PRKG1: variants seen among roughly 807,000 people sequenced by gnomAD.
PRKG1 encodes protein kinase cGMP-dependent 1.
PRKG1 carries 35 observed loss-of-function variants against 88.1 expected under a neutral mutation model. The observed-to-expected ratio is 0.40, with a 90% confidence interval of 0.30 to 0.53. PRKG1 has a LOEUF of 0.53. Ranked by LOEUF, PRKG1 falls within the 20% of genes least tolerant of loss-of-function variation. The pLI is 0.59. For synonymous variants in PRKG1, 303 were observed against 292.5 expected (o/e 1.04, Z -0.37); for missense variants, 540 against 839.8 (o/e 0.64, Z 4.41).
At chr10:51,721,212 TAAAAAA>T (rs55873432) in intron 3 of PRKG1, among the ~76,000 whole-genome samples, 1 of 122,040 alleles carries the variant, frequency 8.2e-6, no homozygotes, top group African/African-American at 3.1e-5. Flanking sequence ...CAAGACCTAT[TAAAAAA>T]AAAAAAAAAA....
chr10:51,208,282 G>A (rs776915903), intron 2 of PRKG1, among the ~76,000 whole-genome samples: 3 of 152,156 alleles, frequency 2.0e-5, no homozygotes, highest in Admixed American at 2.0e-4. Context: ...AGCACAAAAT[G>A]TGATACCGGT....
chr10:51,404,205 T>C (rs911698346), intron 2 of PRKG1, among the ~76,000 whole-genome samples: 11 of 152,218 alleles, frequency 7.2e-5, no homozygotes, highest in African/African-American at 2.4e-4. Context: ...GTTAGCGTCA[T>C]TGTGTCTAAA....
chr10:51,151,169 G>GA (rs1846063389), intron 1 of PRKG1, among the ~76,000 whole-genome samples: 3 of 150,302 alleles, frequency 2.0e-5, no homozygotes, highest in Non-Finnish European at 3.0e-5. Flanking sequence ...TTAGGAAAGA[G>GA]AAAACGTAAT....
At chr10:51,892,532 G>A (rs1010048201) in intron 4 of PRKG1, among the ~76,000 whole-genome samples, 1 of 152,184 alleles carries the variant, frequency 6.6e-6, no homozygotes, top group Non-Finnish European at 1.5e-5. Flanking sequence ...GCCTTTGGGA[G>A]ATGAGAGGTT....
At chr10:51,257,927 T>A (rs1839607235) in intron 2 of PRKG1, among the ~76,000 whole-genome samples, 1 of 152,106 alleles carries the variant, frequency 6.6e-6, no homozygotes, top group African/African-American at 2.4e-5. Flanking sequence ...GAGAGGAGTA[T>A]GGATGCTAGG....
At chr10:51,825,489 G>A (rs12569525) in intron 4 of PRKG1, among the ~76,000 whole-genome samples, 66,771 of 151,918 alleles carry the variant, frequency 0.44, 16,994 homozygotes, top group Non-Finnish European at 0.57. Flanking sequence ...CACAGACAGG[G>A]ACAAGAGCAC....
chr10:51,440,467 A>T (rs1380495486), intron 2 of PRKG1, among the ~76,000 whole-genome samples: 1 of 151,908 alleles, frequency 6.6e-6, no homozygotes, highest in African/African-American at 2.4e-5. Context: ...TTGTCTTGGG[A>T]ACTATTAAAA....
Position 51,947,065 on chromosome 10 carries a change from T to G in PRKG1, c.762+39495T>G, listed in dbSNP as rs375142876. Among the ~76,000 whole-genome samples, 12 of 152,040 alleles carry G rather than the reference T, an allele frequency of 7.9e-5. 1 individual carries two copies. Among genetic ancestry groups the G allele is most frequent in the African/African-American group, 1.4e-4 (6 of 41,394 alleles). On this transcript the variant is annotated intron_variant, in intron 5 of 17. Coordinates refer to ENST00000373980, the MANE Select transcript of PRKG1 (RefSeq NM_006258.4). ...TGTTTGTCTGTGCCCTGCCCCCAGA[T>G]GTGGAGCCTACAGAGGCAGGCAGGC...
intron 3 of PRKG1, among the ~76,000 whole-genome samples, chr10:51,762,438 A>T (rs1399658615): frequency 6.6e-6 from 1 of 152,206 alleles, no homozygotes; most frequent in African/African-American, 2.4e-5. Flanking sequence ...ATTATAAAAC[A>T]TTCAACTATT....
intron 2 of PRKG1, among the ~76,000 whole-genome samples, chr10:51,393,299 G>C (rs866357267): frequency 6.6e-6 from 1 of 151,746 alleles, no homozygotes; most frequent in African/African-American, 2.4e-5. Context: ...TTCCCAGATG[G>C]GATGGCGGCC....
intron 1 of PRKG1, among the ~76,000 whole-genome samples, chr10:51,002,715 T>C (rs1842901787): frequency 6.6e-6 from 1 of 152,204 alleles, no homozygotes. Flanking sequence ...GCAGTCTTGC[T>C]ACTGGCATCA....
intron 3 of PRKG1, among the ~76,000 whole-genome samples, chr10:51,793,801 G>T (rs2132588925): frequency 6.6e-6 from 1 of 152,214 alleles, no homozygotes; most frequent in East Asian, 1.9e-4. Context: ...CTACTCTGTT[G>T]CCCAGGCTGG....
rs1281521573 is a variant in PRKG1 at position 51,449,783 on chromosome 10, CT to C, written c.479-17935del. Among the ~76,000 whole-genome samples the C allele has an allele frequency of 2.5e-5, 3 of 122,180 alleles. No individual in the cohort carries two copies. In the Admixed American group the frequency reaches 2.5e-4, roughly 10 times the overall value. 80.2% of individuals were successfully genotyped at this position (122,180 alleles called of 152,430 possible). A position where few individuals can be genotyped will look rare whatever the true frequency, so the allele number is the denominator to read the frequency against. On this transcript the variant is annotated intron_variant, in intron 2 of 17. Transcript: ENST00000373980. ...TTGTGACTAAAATACAATATTTTTGCTTTTTATCTGTTGATAATCTTTACCT... is the reference window on the plus strand; with the variant it reads ...TTGTGACTAAAATACAATATTTTTGCTTTTATCTGTTGATAATCTTTACCT...
At chr10:52,219,044 C>T (rs1420238120) in intron 9 of PRKG1, among the ~76,000 whole-genome samples, 34 of 151,828 alleles carry the variant, frequency 2.2e-4, no homozygotes, top group Admixed American at 2.2e-3. Flanking sequence ...AAAGGAAAAA[C>T]AAAGAAAGAA....
rs186301880 is a variant in PRKG1 at position 51,759,338 on chromosome 10, C to T, written c.593-45247C>T. On this transcript the variant is annotated intron_variant, in intron 3 of 17. Transcript: ENST00000373980. ...CTGGAGTGTGATGGTGCGATCTCGG[C>T]TCACTGCAACCTCCACCTCCCAGGT... Among the ~76,000 whole-genome samples, 76 of 152,008 alleles carry T rather than the reference C, an allele frequency of 5.0e-4. 1 individual carries two copies. In the East Asian group the frequency reaches 0.012, roughly 24 times the overall value.
intron 8 of PRKG1, among the ~76,000 whole-genome samples, chr10:52,145,676 T>A (rs1434787751): frequency 6.6e-6 from 1 of 152,122 alleles, no homozygotes; most frequent in Non-Finnish European, 1.5e-5. Context: ...CCACAGCACT[T>A]TTTTGGTGGA....
intron 1 of PRKG1, among the ~76,000 whole-genome samples, chr10:51,145,145 G>T (rs891789129): frequency 3.3e-5 from 5 of 152,102 alleles, no homozygotes; most frequent in Admixed American, 3.3e-4. Flanking sequence ...GGTTTCAAAG[G>T]ACTAACAGTA....
At chr10:51,550,631 A>T (rs1346795358) in intron 3 of PRKG1, among the ~76,000 whole-genome samples, 1 of 152,010 alleles carries the variant, frequency 6.6e-6, no homozygotes, top group Non-Finnish European at 1.5e-5. Context: ...ATAGATTCTC[A>T]TCAAATTAGT....
chr10:51,814,767 A>AT (rs1839543350), intron 4 of PRKG1, among the ~76,000 whole-genome samples: 1 of 151,920 alleles, frequency 6.6e-6, no homozygotes, highest in Non-Finnish European at 1.5e-5. Flanking sequence ...ATATTGATCC[A>AT]TTTTTTATTA....
Sources: gnomAD v4.1 joint callset for allele counts (sites outside exome capture counted in the v4.1 genomes callset) on GRCh38, gnomAD v4.1.1 for gene constraint, MANE v1.5 for transcripts, NCBI Gene and HGNC (gene_info 2026-07-23, HGNC 2026-07-21) for gene names.